PCDH15: variants seen among roughly 807,000 people sequenced by gnomAD.
PCDH15 encodes protocadherin-15.
Under a neutral mutation model 178.5 loss-of-function variants are expected in PCDH15, and 129 were observed. That is an observed-to-expected ratio of 0.72 (90% CI 0.63 to 0.84). The LOEUF (loss-of-function observed/expected upper bound fraction) is 0.84, where lower values mean the gene tolerates loss of function less well. Among genes scored for constraint, PCDH15 ranks in the 40% least tolerant of loss-of-function variants. PCDH15 has a pLI of 0.00. For synonymous variants in PCDH15, 800 were observed against 732.0 expected (o/e 1.09, Z -1.50); for missense variants, 2,230 against 2,099.9 (o/e 1.06, Z -1.21).
chr10:55,174,834 C>T (rs1383615761), intron 1 of PCDH15, among the ~76,000 whole-genome samples: 1 of 152,008 alleles, frequency 6.6e-6, no homozygotes, highest in Non-Finnish European at 1.5e-5. Context: ...TGAATATGGC[C>T]CTATTAAGGT....
intron 1 of PCDH15, among the ~76,000 whole-genome samples, chr10:55,261,038 T>G (rs541482536): frequency 6.6e-6 from 1 of 152,262 alleles, no homozygotes; most frequent in South Asian, 2.1e-4. Context: ...ACACCAACAC[T>G]AAAAATGAAA....
chr10:55,196,663 A>G (rs564803456), intron 1 of PCDH15, among the ~76,000 whole-genome samples: 1 of 152,220 alleles, frequency 6.6e-6, no homozygotes, highest in African/African-American at 2.4e-5. Context: ...TATTAAAGTA[A>G]AAGTATTTCA....
intron 25 of PCDH15, among the ~76,000 whole-genome samples, chr10:53,920,945 C>T (rs2083946357): frequency 6.6e-6 from 1 of 152,104 alleles, no homozygotes; most frequent in African/African-American, 2.4e-5. Flanking sequence ...TTGCTGTGTT[C>T]ATTAGTCATA....
intron 3 of PCDH15, among the ~76,000 whole-genome samples, chr10:54,386,202 G>T (rs1291121045): frequency 6.7e-6 from 1 of 149,324 alleles, no homozygotes; most frequent in Non-Finnish European, 1.5e-5. Flanking sequence ...AGTGAAAGAA[G>T]AATTGTTTTG....
At chr10:55,096,773 C>T (rs1361500640) in intron 2 of PCDH15, among the ~76,000 whole-genome samples, 4 of 151,948 alleles carry the variant, frequency 2.6e-5, no homozygotes, top group Admixed American at 6.6e-5. Context: ...TGTAGCATAA[C>T]GTCCTCCAAT....
At chr10:54,869,378 G>A (rs532723957) in intron 3 of PCDH15, among the ~76,000 whole-genome samples, 1 of 152,234 alleles carries the variant, frequency 6.6e-6, no homozygotes, top group African/African-American at 2.4e-5. Context: ...AGATAAATAA[G>A]GGAATAAATT....
At chr10:54,802,320 A>G (rs1035997602), upstream of PCDH15, among the ~76,000 whole-genome samples, 1 of 152,224 alleles carries the variant, frequency 6.6e-6, no homozygotes, top group Admixed American at 6.5e-5. Context: ...TCAGTTTTCC[A>G]GAGGGAGGGA....
intron 1 of PCDH15, among the ~76,000 whole-genome samples, chr10:54,780,700 T>A (rs562288803): frequency 3.4e-4 from 51 of 148,216 alleles, no homozygotes; most frequent in African/African-American, 1.1e-3. Context: ...AAATGAGGCA[T>A]TTTTACACTC....
At chr10:54,555,047 CTA>C (rs993967002) in intron 2 of PCDH15, among the ~76,000 whole-genome samples, 12 of 152,030 alleles carry the variant, frequency 7.9e-5, no homozygotes, top group Admixed American at 3.9e-4. Flanking sequence ...AACTGTGAAA[CTA>C]AAAGAAAATT....
At chr10:53,879,689 G>A (rs1332532134) in intron 26 of PCDH15, among the ~76,000 whole-genome samples, 1 of 152,110 alleles carries the variant, frequency 6.6e-6, no homozygotes, top group Non-Finnish European at 1.5e-5. Flanking sequence ...AATTATACAT[G>A]TGTTTTCTTT....
At chr10:55,466,877 C>T (rs907832394) in intron 2 of PCDH15, among the ~76,000 whole-genome samples, 4 of 152,288 alleles carry the variant, frequency 2.6e-5, no homozygotes, top group African/African-American at 9.6e-5. Context: ...ACACAGCACA[C>T]CTATTTATAT....
At chr10:53,807,982 T>C (rs1320769064) in intron 37 of PCDH15, 6 of 152,246 alleles carry the variant, frequency 3.9e-5, no homozygotes, top group African/African-American at 1.4e-4. Flanking sequence ...ACACATTGCA[T>C]GCATTCTCAT....
At chr10:55,040,352 A>G (rs1840835457) in intron 2 of PCDH15, among the ~76,000 whole-genome samples, 2 of 152,086 alleles carry the variant, frequency 1.3e-5, no homozygotes, top group Admixed American at 6.6e-5. Flanking sequence ...GGTTGTTCTA[A>G]TGGGGTTGAC....
chr10:54,640,893 C>T (rs1281690866), intron 2 of PCDH15, among the ~76,000 whole-genome samples: 1 of 152,068 alleles, frequency 6.6e-6, no homozygotes, highest in South Asian at 2.1e-4. Flanking sequence ...CACTTGAGGT[C>T]AGGAGTTGGA....
chr10:55,602,765 G>A (rs375510446), intron 2 of PCDH15, among the ~76,000 whole-genome samples: 8 of 151,564 alleles, frequency 5.3e-5, no homozygotes, highest in East Asian at 1.9e-4. Context: ...GACCAAAAGT[G>A]GATAAAACCA....
chr10:54,461,537 T>C (rs1438303787), intron 3 of PCDH15, among the ~76,000 whole-genome samples: 1 of 152,208 alleles, frequency 6.6e-6, no homozygotes, highest in East Asian at 1.9e-4. Flanking sequence ...TCGAGCTGCC[T>C]ATAGGTCTTT....
At chr10:55,578,932 T>A (rs1842550772) in intron 2 of PCDH15, among the ~76,000 whole-genome samples, 1 of 152,084 alleles carries the variant, frequency 6.6e-6, no homozygotes, top group African/African-American at 2.4e-5. Flanking sequence ...TCCCATAGCA[T>A]GTGGGATTTA....
chr10:54,979,533 G>A (rs1394329132), intron 2 of PCDH15, among the ~76,000 whole-genome samples: 1 of 151,970 alleles, frequency 6.6e-6, no homozygotes, highest in African/African-American at 2.4e-5. Context: ...GCCAGACGTG[G>A]TGATACGTGC....
chr10:54,318,748 C>T (rs774931806), intron 7 of PCDH15, among the ~76,000 whole-genome samples: 1 of 152,120 alleles, frequency 6.6e-6, no homozygotes, highest in Non-Finnish European at 1.5e-5. Flanking sequence ...CAAGATTCAA[C>T]TGCGGTTATG....
Sources: allele counts gnomAD v4.1 joint callset (sites outside exome capture counted in the v4.1 genomes callset), GRCh38; gene constraint gnomAD v4.1.1; transcripts MANE v1.5; gene names NCBI Gene and HGNC (gene_info 2026-07-23, HGNC 2026-07-21).